The following MYOF variants were observed in gnomAD, a reference collection of about 807,000 sequenced individuals.
The protein encoded by MYOF is fer-1-like 3, myoferlin.
Under a neutral mutation model 284.2 loss-of-function variants are expected in MYOF, and 244 were observed. That is an observed-to-expected ratio of 0.86 (90% confidence interval 0.77 to 0.95). The LOEUF (loss-of-function observed/expected upper bound fraction) is 0.95, where lower values mean the gene tolerates loss of function less well. Among genes scored for constraint, MYOF ranks in the 40% least tolerant of loss-of-function variants. The probability of loss-of-function intolerance (pLI) is 0.00; values close to 1 mark genes in which losing one functional copy is unlikely to be tolerated. For synonymous variants in MYOF, 904 were observed against 919.7 expected, an observed-to-expected ratio of 0.98 and a Z score of 0.31; for missense variants, 2,496 against 2,560.6, an observed-to-expected ratio of 0.97 and a Z score of 0.54.
At chr10:93,407,781 C>T (rs1387534082) in intron 7 of MYOF, among the ~76,000 whole-genome samples, 1 of 146,526 alleles carries the variant, frequency 6.8e-6, no homozygotes, top group African/African-American at 2.5e-5. Context: ...GGGGGCAAAA[C>T]AAACAAAGCC....
At chr10:93,467,415 T>G (rs1333244385) in intron 1 of MYOF, among the ~76,000 whole-genome samples, 2 of 12,004 alleles carry the variant, frequency 1.7e-4, no homozygotes, top group Non-Finnish European at 0.01. Context: ...GAACATGCAG[T>G]GTTTGGTTTT....
rs971952478 is a variant in MYOF, at chr10:93,363,839, T to C, written c.2868+122A>G. 8.4e-6 allele frequency: 6 copies of C among 710,604 alleles called. No homozygotes were observed. The African/African-American group carries it at 8.9e-5, about 11-fold the overall frequency. The allele number at this position is 710,604 out of a possible 1,614,324, so 44.0% of individuals were successfully genotyped here. ...GTGGCTTAAGCTATAAGTGGAAGACTCTTCAGAACATAAGATGGAGCGGAG... is the reference window on the plus strand; with the variant it reads ...GTGGCTTAAGCTATAAGTGGAAGACCCTTCAGAACATAAGATGGAGCGGAG... On this transcript the variant is annotated intron_variant, in intron 27 of 53. Coordinates refer to ENST00000359263, the MANE Select transcript of MYOF (RefSeq NM_013451.4).
rs887468640 is a variant in MYOF, at chr10:93,326,026, C to T, written c.5132-61G>A. ...ATTTGGGAATAGTTCAGCCAGATTG[C>T]CTAGAGCTGCTTCCAGCACTTCATC... On this transcript the variant is annotated intron_variant, in intron 45 of 53. Transcript: ENST00000359263. 6 of 1,602,886 alleles carry T rather than the reference C, an allele frequency of 3.7e-6. No homozygotes were observed. The African/African-American group carries it at 6.7e-5, about 18-fold the overall frequency.
intron 1 of MYOF, among the ~76,000 whole-genome samples, chr10:93,457,155 A>C (rs780779806): frequency 4.6e-5 from 7 of 152,174 alleles, no homozygotes; most frequent in Non-Finnish European, 8.8e-5. Context: ...ACATGGAGTT[A>C]AGGGATGTGA....
chr10:93,336,058 C>T lies in MYOF; in HGVS notation c.4438-12G>A, dbSNP rs1213050516. 3 of 1,611,614 alleles carry T rather than the reference C, an allele frequency of 1.9e-6. No individual in the cohort carries two copies. In the Admixed American group the frequency reaches 5.0e-5, roughly 27 times the overall value. On this transcript the variant is annotated splice_polypyrimidine_tract_variant and intron_variant, in intron 40 of 53. Coordinates refer to ENST00000359263, the MANE Select transcript of MYOF (RefSeq NM_013451.4). ...TCACAATTATATATCTGAAAACCAC[C>T]AACAGAGTCTTAATTTCTCATTAAA...
Position 93,482,180 on chromosome 10 carries a change from A to T in MYOF, c.15T>A (p.Ile5=). ...TAGGGATATTGCTGGCAGATTCCAC[A>T]ATCACTCGCAGCATGGTTCTTAGCT... The part of the protein sequence containing the change: MLRV[I]VESASNIPKT... The change falls in exon 1 of 54, where the codon ATT becomes ATA. Residue 5 remains isoleucine, a synonymous_variant. Coordinates refer to ENST00000359263, the MANE Select transcript of MYOF (RefSeq NM_013451.4). 1 of 1,614,092 alleles carries T rather than the reference A, an allele frequency of 6.2e-7. No individual in the cohort carries two copies. Among genetic ancestry groups the T allele is most frequent in the African/African-American group, 1.3e-5 (1 of 75,050 alleles).
chr10:93,325,177 C>T (rs191054462), intron 46 of MYOF, among the ~76,000 whole-genome samples: 25 of 152,318 alleles, frequency 1.6e-4, no homozygotes, highest in Middle Eastern at 3.4e-3. Context: ...CAAATCTCTG[C>T]AGACATGGCC....
intron 20 of MYOF, 104 bp from the exon 21 acceptor site, chr10:93,380,091 G>A (rs1846043867): frequency 1.4e-6 from 2 of 1,408,908 alleles, no homozygotes; most frequent in Non-Finnish European, 9.6e-7. Flanking sequence ...CCACAGGCTT[G>A]GGGAATAGCT....
intron 49 of MYOF, among the ~76,000 whole-genome samples, chr10:93,319,122 CA>C (rs958274260): frequency 1.4e-4 from 22 of 152,300 alleles, no homozygotes; most frequent in African/African-American, 5.3e-4. Flanking sequence ...CCCCCAAAAG[CA>C]GAGACATTGA....
In MYOF at chr10:93,353,848, G is replaced by A; in HGVS notation, c.3444C>T (p.Ala1148=). ...IYHLRCYVYQ[A]RNLLALDKDS... is the part of the protein sequence containing the mutation. ...CCTTATCTAAAGCCAAGAGGTTTCT[G>A]GCTTGATAGACATAGCAGCGCAGAT... The change falls in exon 32 of 54, where the codon GCC becomes GCT. Residue 1148 remains alanine (A), a synonymous_variant. Transcript: ENST00000359263. 6.2e-7 allele frequency: 1 copy of A among 1,609,902 alleles called. No homozygotes were observed. Among genetic ancestry groups the A allele is most frequent in the Non-Finnish European group, 8.5e-7 (1 of 1,177,592 alleles).
At chr10:93,462,310 T>TC (rs1564737929) in intron 1 of MYOF, among the ~76,000 whole-genome samples, 2 of 152,220 alleles carry the variant, frequency 1.3e-5, no homozygotes. Flanking sequence ...CCTCAAGTGA[T>TC]CCGCTCACCT....
intron 1 of MYOF, among the ~76,000 whole-genome samples, chr10:93,464,431 C>T (rs1324478820): frequency 6.6e-6 from 1 of 152,168 alleles, no homozygotes; most frequent in Non-Finnish European, 1.5e-5. Flanking sequence ...ACACCAGGTG[C>T]CCACGGAAGT....
chr10:93,402,424 A>G (rs147003119), intron 10 of MYOF, 77 bp from the exon 11 acceptor site: 2 of 1,170,526 alleles, frequency 1.7e-6, no homozygotes, highest in Non-Finnish European at 2.5e-6. Context: ...CTGCCATAAG[A>G]TAAGCTGCAT....
At chr10:93,338,021 G>T in intron 39 of MYOF, 108 bp from the exon 40 acceptor site, 6 of 776,732 alleles carry the variant, frequency 7.7e-6, no homozygotes, top group East Asian at 2.6e-5. Context: ...TTCTGACCCT[G>T]TTAAAAGTGA....
At chr10:93,420,262 G>A (rs1172295290) in intron 5 of MYOF, among the ~76,000 whole-genome samples, 2 of 152,206 alleles carry the variant, frequency 1.3e-5, no homozygotes, top group African/African-American at 4.8e-5. Flanking sequence ...ATAGACGTGA[G>A]ATTTTAAAAA....
At chr10:93,453,714 G>T (rs2056659204) in intron 2 of MYOF, among the ~76,000 whole-genome samples, 1 of 152,044 alleles carries the variant, frequency 6.6e-6, no homozygotes, top group South Asian at 2.1e-4. Context: ...CTTAGATTCT[G>T]TCTCTGTGAA....
Position 93,431,504 on chromosome 10 carries a change from C to G in MYOF, c.249G>C (p.Thr83=), listed in dbSNP as rs199793976. ...TCAGGTCCTTCAGGGCTACAGTCGC[C>G]GTGCCAATTAATCTGCAGGGAAAAC... ...ETIGQNKLIG[T]ATVALKDLTG... is the part of the protein sequence containing the mutation. The change falls in exon 4 of 54, where the codon ACG becomes ACC. Residue 83 remains threonine, a synonymous_variant. Coordinates refer to ENST00000359263, the MANE Select transcript of MYOF (RefSeq NM_013451.4). The G allele has an allele frequency of 1.3e-5, 21 of 1,613,618 alleles. No homozygotes were observed. The highest frequency in any genetic ancestry group is 2.5e-6 in the Non-Finnish European group (3 of 1,179,720).
intron 30 of MYOF, among the ~76,000 whole-genome samples, chr10:93,356,299 T>C (rs1844801039): frequency 6.6e-6 from 1 of 152,234 alleles, no homozygotes; most frequent in South Asian, 2.1e-4. Context: ...CCGACATCTG[T>C]ATATTTATGA....
chr10:93,319,338 G>A (rs1389328452), intron 49 of MYOF, among the ~76,000 whole-genome samples: 1 of 152,172 alleles, frequency 6.6e-6, no homozygotes, highest in African/African-American at 2.4e-5. Context: ...GGACTTTTTG[G>A]TAATGTGAAC....
Sources: gnomAD v4.1 joint callset for allele counts (sites outside exome capture counted in the v4.1 genomes callset) on GRCh38, gnomAD v4.1.1 for gene constraint, MANE v1.5 for transcripts, NCBI Gene and HGNC (gene_info 2026-07-23, HGNC 2026-07-21) for gene names.